Variants in RNLS observed in about 807,000 individuals in gnomAD.
RNLS encodes renalase, FAD dependent amine oxidase, also known as renalase.
Under a neutral mutation model 39.8 loss-of-function variants are expected in RNLS, and 39 were observed. The observed-to-expected ratio is 0.98, with a 90% CI of 0.76 to 1.28. The LOEUF (loss-of-function observed/expected upper bound fraction) is 1.28, where lower values mean the gene tolerates loss of function less well. Ranked by LOEUF, RNLS falls within the 50% of genes most tolerant of loss-of-function variation. RNLS has a pLI of 0.00. For synonymous variants in RNLS, 147 were observed against 150.7 expected, an observed-to-expected ratio of 0.98 and a Z score of 0.18; for missense variants, 410 against 413.3, an observed-to-expected ratio of 0.99 and a Z score of 0.07.
intron 6 of RNLS, among the ~76,000 whole-genome samples, chr10:88,310,098 C>T (rs771862690): frequency 2.6e-5 from 4 of 151,986 alleles, no homozygotes; most frequent in Non-Finnish European, 5.9e-5. Flanking sequence ...GTGCCTGTAG[C>T]CCCAGCTACT....
At chr10:88,419,397 C>G (rs1386461550) in intron 4 of RNLS, among the ~76,000 whole-genome samples, 1 of 152,206 alleles carries the variant, frequency 6.6e-6, no homozygotes, top group East Asian at 1.9e-4. Context: ...TCAGGGGCCA[C>G]TCTCCCAGGA....
chr10:88,217,155 G>T, the RNLS span, among the ~76,000 whole-genome samples: 9 of 152,206 alleles, frequency 5.9e-5, no homozygotes. Context: ...CCAGTATTGT[G>T]CTACACCCTG....
rs543729582 is a variant in RNLS, at chr10:88,406,369, A to C, written c.527-43644T>G. 1.3e-4 allele frequency among the ~76,000 whole-genome samples: 20 copies of C among 152,040 alleles called. No homozygotes were observed. The South Asian group carries it at 2.1e-3, about 16-fold the overall frequency. The stretch of plus-strand genomic sequence containing the variant: ...CCTCAGGAACATTGATTATTCTTAG[A>C]TTTGGTTGTTTAACATAAACCCAGA... On this transcript the variant is annotated intron_variant, in intron 4 of 6. Transcript: ENST00000331772.
intron 5 of RNLS, among the ~76,000 whole-genome samples, chr10:88,326,705 G>A (rs1444730641): frequency 6.6e-6 from 1 of 152,216 alleles, no homozygotes; most frequent in Non-Finnish European, 1.5e-5. Context: ...GGAGCTGTGA[G>A]AAGAGGGCCA....
At chr10:88,260,997 A>G in the RNLS span, among the ~76,000 whole-genome samples, 1 of 152,196 alleles carries the variant, frequency 6.6e-6, no homozygotes, top group African/African-American at 2.4e-5. Flanking sequence ...CCCAAAGTAG[A>G]ATTAGGGGAT....
At chr10:88,250,270 C>T in the RNLS span, among the ~76,000 whole-genome samples, 2 of 152,208 alleles carry the variant, frequency 1.3e-5, no homozygotes, top group Non-Finnish European at 2.9e-5. Flanking sequence ...CAATAATATA[C>T]ATTGAGCAAA....
intron 4 of RNLS, among the ~76,000 whole-genome samples, chr10:88,420,760 A>T (rs1854356972): frequency 6.6e-6 from 1 of 152,224 alleles, no homozygotes; most frequent in Admixed American, 6.5e-5. Context: ...CGTGGGGAGG[A>T]AGCATCCTTC....
intron 4 of RNLS, among the ~76,000 whole-genome samples, chr10:88,407,226 A>G (rs1853334310): frequency 6.6e-6 from 1 of 152,046 alleles, no homozygotes; most frequent in Non-Finnish European, 1.5e-5. Flanking sequence ...AAAACTTCTC[A>G]AACTCCGTGT....
At chr10:88,279,404 A>G (rs1424175035), downstream of RNLS, among the ~76,000 whole-genome samples, 2 of 152,182 alleles carry the variant, frequency 1.3e-5, no homozygotes, top group Non-Finnish European at 2.9e-5. Flanking sequence ...TGTACATACT[A>G]TAACCCTCAG....
intron 6 of RNLS, among the ~76,000 whole-genome samples, chr10:88,288,521 T>C (rs996463565): frequency 6.6e-6 from 1 of 152,176 alleles, no homozygotes; most frequent in Admixed American, 6.6e-5. Flanking sequence ...ATAATTTGCA[T>C]ATACATAAAT....
chr10:88,581,603 T>C lies in RNLS; in HGVS notation c.331A>G (p.Ile111Val). ...AAGTAATGCTTAATAATTGAAGAAA[T>C]TCCTTGAGGTGCCACAAAGTTACAG... Reference protein sequence around the residue: ...GDCNFVAPQGISSIIKHYLKE... With the variant: ...GDCNFVAPQGVSSIIKHYLKE... Residue 111 changes from isoleucine to valine, a missense_variant, in exon 3 of 7, where the codon ATT (isoleucine) becomes GTT (valine). Ile to Val is a conservative substitution (Grantham distance 29). Transcript: ENST00000331772. 1 of 1,606,150 alleles carries C rather than the reference T, an allele frequency of 6.2e-7. No homozygotes were observed. Among genetic ancestry groups the C allele is most frequent in the South Asian group, 1.1e-5 (1 of 89,506 alleles).
chr10:88,185,236 C>T, the RNLS span, among the ~76,000 whole-genome samples: 1 of 152,054 alleles, frequency 6.6e-6, no homozygotes, highest in Non-Finnish European at 1.5e-5. Flanking sequence ...TTAATTCATC[C>T]TTTGTCTTAT....
chr10:88,549,414 C>G (rs75905581), intron 4 of RNLS, among the ~76,000 whole-genome samples: 227 of 148,422 alleles, frequency 1.5e-3, no homozygotes, highest in African/African-American at 4.9e-3. Context: ...AAAAAAAAAA[C>G]AAGTTGTCAG....
rs550028707 is a variant in RNLS, at chr10:88,360,062, C to A, written c.700+2490G>T. ...TAAAATGTCATGTGGTTTTAAGAAA[C>A]TTTGAAGGTAATTTTGAATGTACAT... On this transcript the variant is annotated intron_variant, in intron 5 of 6. Coordinates refer to ENST00000331772, the MANE Select transcript of RNLS (RefSeq NM_001031709.3). 1.4e-4 allele frequency among the ~76,000 whole-genome samples: 22 copies of A among 152,298 alleles called. No individual in the cohort carries two copies. The South Asian group carries it at 2.7e-3, about 19-fold the overall frequency.
chr10:88,375,661 A>C (rs1850933190), intron 4 of RNLS, among the ~76,000 whole-genome samples: 1 of 152,168 alleles, frequency 6.6e-6, no homozygotes, highest in South Asian at 2.1e-4. Flanking sequence ...CTAATTTAGA[A>C]ACAATTTCAC....
chr10:88,412,743 TAA>T (rs1853758402), intron 4 of RNLS, among the ~76,000 whole-genome samples: 1 of 152,100 alleles, frequency 6.6e-6, no homozygotes, highest in Admixed American at 6.6e-5. Flanking sequence ...ATAATAAAAA[TAA>T]AGTGATCCTA....
intron 4 of RNLS, among the ~76,000 whole-genome samples, chr10:88,551,329 A>G (rs1276990644): frequency 1.3e-5 from 2 of 152,356 alleles, no homozygotes; most frequent in Non-Finnish European, 2.9e-5. Flanking sequence ...AAAAGTCTAA[A>G]GAAAGAAACC....
the RNLS span, among the ~76,000 whole-genome samples, chr10:88,265,608 C>T: frequency 6.6e-6 from 1 of 151,934 alleles, no homozygotes; most frequent in Non-Finnish European, 1.5e-5. Flanking sequence ...TTTTATTTTG[C>T]AGCTATCGTG....
intron 4 of RNLS, among the ~76,000 whole-genome samples, chr10:88,468,175 G>A (rs534537894): frequency 1.3e-5 from 2 of 152,282 alleles, no homozygotes; most frequent in South Asian, 4.1e-4. Context: ...GCAAAAAGTA[G>A]AACTAGATTG....
Sources: allele counts gnomAD v4.1 joint callset (sites outside exome capture counted in the v4.1 genomes callset), GRCh38; gene constraint gnomAD v4.1.1; transcripts MANE v1.5; gene names NCBI Gene and HGNC (gene_info 2026-07-23, HGNC 2026-07-21).